The following IQCM variants were observed in gnomAD, a reference collection of about 807,000 sequenced individuals.
IQCM encodes the protein IQ domain-containing protein M.
A neutral mutation model predicts 57.6 loss-of-function variants in IQCM; 45 were observed. That is an observed-to-expected ratio of 0.78 (90% CI 0.62 to 1.00). IQCM has a LOEUF of 1.00. IQCM is among the 50% of genes least tolerant of loss of function. The probability of loss-of-function intolerance (pLI) is 0.00; values close to 1 mark genes in which losing one functional copy is unlikely to be tolerated. For missense variants in IQCM, 468 were observed against 511.6 expected (o/e 0.91, Z 0.82); for synonymous variants, 148 against 158.9 (o/e 0.93, Z 0.51).
chr4:149,604,210 A>T (rs1441068740), intron 8 of IQCM, among the ~76,000 whole-genome samples: 1 of 152,114 alleles, frequency 6.6e-6, no homozygotes, highest in Non-Finnish European at 1.5e-5. Context: ...TACTGGTTTG[A>T]TTGTGAATCC....
chr4:149,352,697 C>A (rs1437467935), intron 13 of IQCM, among the ~76,000 whole-genome samples: 1 of 152,124 alleles, frequency 6.6e-6, no homozygotes, highest in African/African-American at 2.4e-5. Flanking sequence ...GCTTTTAAGA[C>A]AAACAGTATT....
At chr4:149,622,525 A>G (rs1304922685) in intron 7 of IQCM, among the ~76,000 whole-genome samples, 1 of 152,036 alleles carries the variant, frequency 6.6e-6, no homozygotes, top group African/African-American at 2.4e-5. Flanking sequence ...TGTATTTTTT[A>G]GTAGAGACGG....
At chr4:149,517,456 G>A (rs557397903) in intron 12 of IQCM, among the ~76,000 whole-genome samples, 2 of 152,280 alleles carry the variant, frequency 1.3e-5, no homozygotes, top group Admixed American at 1.3e-4. Context: ...TTGTGCGAAG[G>A]AGAGTTGTAT....
At chr4:149,545,028 G>C (rs1422084515) in intron 12 of IQCM, among the ~76,000 whole-genome samples, 1 of 151,576 alleles carries the variant, frequency 6.6e-6, no homozygotes, top group South Asian at 2.1e-4. Flanking sequence ...GGTGACAGAA[G>C]CAAAAACAAA....
Sources: gnomAD v4.1 joint callset for allele counts (sites outside exome capture counted in the v4.1 genomes callset) on GRCh38, gnomAD v4.1.1 for gene constraint, MANE v1.5 for transcripts, NCBI Gene and HGNC (gene_info 2026-07-23, HGNC 2026-07-21) for gene names.